Variants in ITM2B observed in about 807,000 individuals in gnomAD.
ITM2B encodes the protein integral membrane protein 2B.
ITM2B carries 11 observed loss-of-function variants against 27.8 expected under a neutral mutation model. The observed-to-expected ratio is 0.40, with a 90% confidence interval of 0.25 to 0.66. ITM2B has a LOEUF of 0.66. ITM2B is among the 30% of genes least tolerant of loss of function. The pLI is 0.43. For missense variants in ITM2B, 296 were observed against 328.9 expected, an observed-to-expected ratio of 0.90 and a Z score of 0.77; for synonymous variants, 114 against 114.3, an observed-to-expected ratio of 1.00 and a Z score of 0.02.
chr13:48,267,322 T>C lies in ITM2B; in HGVS notation c.*6098T>C, dbSNP rs1046360956. On this transcript the variant is annotated 3_prime_UTR_variant, in exon 6 of 6. Transcript: ENST00000647800. ...ATACTAGTGTAACAGCTACAACTTA[T>C]CTAGTTTTAATCAACTCCAGGGAAC... The C allele has an allele frequency of 5.9e-5, 9 of 152,336 alleles. No individual in the cohort carries two copies. The highest frequency in any genetic ancestry group is 2.1e-4 in the South Asian group (1 of 4,826). The allele number at this position is 152,336 out of a possible 1,614,324, so 9.4% of individuals were successfully genotyped here. A position where few individuals can be genotyped will look rare whatever the true frequency, so the allele number is the denominator to read the frequency against.
In ITM2B at chr13:48,262,532, G is replaced by A. The variant is rs1299808843; in HGVS notation, c.*1308G>A. 1 of 152,118 alleles carries A rather than the reference G, an allele frequency of 6.6e-6. No homozygotes were observed. Among genetic ancestry groups the A allele is most frequent in the Non-Finnish European group, 1.5e-5 (1 of 68,006 alleles). 9.4% of individuals were successfully genotyped at this position (152,118 alleles called of 1,614,324 possible). A position where few individuals can be genotyped will look rare whatever the true frequency, so the allele number is the denominator to read the frequency against. ...AATTAACAATTTTAGAAGACAATAT[G>A]TTTCAATAAAATGAGAATTGGTTTT... On this transcript the variant is annotated 3_prime_UTR_variant, in exon 6 of 6. Coordinates refer to ENST00000647800, the MANE Select transcript of ITM2B (RefSeq NM_021999.5).
At chr13:48,257,022 C>G (rs1205352619) in intron 3 of ITM2B, among the ~76,000 whole-genome samples, 1 of 152,162 alleles carries the variant, frequency 6.6e-6, no homozygotes, top group Non-Finnish European at 1.5e-5. Context: ...ATGTCTGAAA[C>G]TGCATATAGT....
At chr13:48,247,349 T>TA in intron 1 of ITM2B, among the ~76,000 whole-genome samples, 1 of 152,320 alleles carries the variant, frequency 6.6e-6, no homozygotes, top group East Asian at 1.9e-4. Context: ...GTTCTTTTTT[T>TA]ATGTATATTT....
Position 48,267,662 on chromosome 13 carries a change from A to G in ITM2B, c.*6438A>G, listed in dbSNP as rs934787330. 1 of 152,240 alleles carries G rather than the reference A, an allele frequency of 6.6e-6. No individual in the cohort carries two copies. The highest frequency in any genetic ancestry group is 6.5e-5 in the Admixed American group (1 of 15,280). The allele number at this position is 152,240 out of a possible 1,614,324, so 9.4% of individuals were successfully genotyped here. A position where few individuals can be genotyped will look rare whatever the true frequency, so the allele number is the denominator to read the frequency against. On this transcript the variant is annotated 3_prime_UTR_variant, in exon 6 of 6. Coordinates refer to ENST00000647800, the MANE Select transcript of ITM2B (RefSeq NM_021999.5). ...AAAGTGCTGTTAAAAGCATTATGTCATATCTAGTACTTCTTATCTAAGTAT... is the reference window on the plus strand; with the variant it reads ...AAAGTGCTGTTAAAAGCATTATGTCGTATCTAGTACTTCTTATCTAAGTAT...
chr13:48,247,849 G>A (rs2137986199), intron 1 of ITM2B, among the ~76,000 whole-genome samples: 1 of 152,292 alleles, frequency 6.6e-6, no homozygotes, highest in Middle Eastern at 3.4e-3. Flanking sequence ...GGTGGTTATA[G>A]GCCAGCGTGT....
intron 1 of ITM2B, among the ~76,000 whole-genome samples, chr13:48,234,323 G>T (rs1476737859): frequency 6.6e-6 from 1 of 151,966 alleles, no homozygotes; most frequent in East Asian, 1.9e-4. Flanking sequence ...AGTAGGTTAC[G>T]ATCATATTTA....
intron 1 of ITM2B, among the ~76,000 whole-genome samples, chr13:48,251,904 T>G (rs1173055593): frequency 6.6e-6 from 1 of 152,244 alleles, no homozygotes; most frequent in Non-Finnish European, 1.5e-5. Flanking sequence ...ACCTTATGAC[T>G]CCATGGAATT....
chr13:48,258,865 C>T lies in ITM2B; in HGVS notation c.633C>T (p.Asn211=). 3 of 1,613,218 alleles carry T rather than the reference C, an allele frequency of 1.9e-6. No homozygotes were observed. The highest frequency in any genetic ancestry group is 2.5e-6 in the Non-Finnish European group (3 of 1,179,156). ...TGGTTATTACTGATCGCATTGAAAA[C>T]ATTGATCACCTGGGTTTCTTTATTT... ...EHMVITDRIE[N]IDHLGFFIYR... The change falls in exon 5 of 6, where the codon AAC becomes AAT. Residue 211 remains asparagine (N), a synonymous_variant. Transcript: ENST00000647800.
chr13:48,252,161 C>G (rs1951759432), intron 1 of ITM2B, among the ~76,000 whole-genome samples: 1 of 152,196 alleles, frequency 6.6e-6, no homozygotes. Flanking sequence ...TGTATCGTAT[C>G]ACATTGTTCT....
At chr13:48,245,578 A>G (rs1486295432) in intron 1 of ITM2B, among the ~76,000 whole-genome samples, 1 of 151,394 alleles carries the variant, frequency 6.6e-6, no homozygotes, top group Non-Finnish European at 1.5e-5. Flanking sequence ...ATTTTTATTT[A>G]ACCTAAAACT....
Position 48,233,340 on chromosome 13 carries a change from G to T in ITM2B, c.-21G>T. 1 of 1,498,896 alleles carries T rather than the reference G, an allele frequency of 6.7e-7. No homozygotes were observed. Among genetic ancestry groups the T allele is most frequent in the Non-Finnish European group, 9.0e-7 (1 of 1,110,264 alleles). The allele number at this position is 1,498,896 out of a possible 1,614,324, so 92.8% of individuals were successfully genotyped here. A position where few individuals can be genotyped will look rare whatever the true frequency, so the allele number is the denominator to read the frequency against. ...CGCCCCGAGCCCGCCGCCGCCCTTC[G>T]AGGGCGCCCCAGGCCGCGCCATGGT... On this transcript the variant is annotated 5_prime_UTR_variant, in exon 1 of 6. Coordinates refer to ENST00000647800, the MANE Select transcript of ITM2B (RefSeq NM_021999.5).
At chr13:48,250,593 G>C (rs2137988505) in intron 1 of ITM2B, among the ~76,000 whole-genome samples, 1 of 151,746 alleles carries the variant, frequency 6.6e-6, no homozygotes, top group Admixed American at 6.6e-5. Context: ...ACTCCAGCCT[G>C]GGCAACAGAG....
intron 2 of ITM2B, 144 bp from the exon 3 acceptor site, chr13:48,256,033 G>T: frequency 2.9e-6 from 2 of 682,550 alleles, no homozygotes; most frequent in South Asian, 3.2e-5. Flanking sequence ...TGTTAACTCT[G>T]TAATTAAACT....
intron 1 of ITM2B, among the ~76,000 whole-genome samples, chr13:48,248,248 A>G (rs919453401): frequency 6.6e-6 from 1 of 151,956 alleles, no homozygotes; most frequent in Non-Finnish European, 1.5e-5. Context: ...GGGGTCAGCA[A>G]TTATGTTTCT....
rs996247062 is a variant in ITM2B at position 48,265,967 on chromosome 13, C to T, written c.*4743C>T. On this transcript the variant is annotated 3_prime_UTR_variant, in exon 6 of 6. Transcript: ENST00000647800. ...ATTTCCACCACTAGACTGCTCAATA[C>T]GTTAGTAGGGCACCTGACACATAGT... is the stretch of plus-strand genomic sequence containing the variant. 6.6e-6 allele frequency: 1 copy of T among 152,146 alleles called. No individual in the cohort carries two copies. The highest frequency in any genetic ancestry group is 1.5e-5 in the Non-Finnish European group (1 of 68,024). 9.4% of individuals were successfully genotyped at this position (152,146 alleles called of 1,614,324 possible). A position where few individuals can be genotyped will look rare whatever the true frequency, so the allele number is the denominator to read the frequency against.
rs1418749222 is a variant in ITM2B, at chr13:48,261,910, G to C, written c.*686G>C. On this transcript the variant is annotated 3_prime_UTR_variant, in exon 6 of 6. Coordinates refer to ENST00000647800, the MANE Select transcript of ITM2B (RefSeq NM_021999.5). ...GTTTTTCCCGTATAATAAAACCAAA[G>C]AATAGTTTGGTTCTTCAAATCTTAA... 1 of 152,416 alleles carries C rather than the reference G, an allele frequency of 6.6e-6. No homozygotes were observed. The highest frequency in any genetic ancestry group is 1.5e-5 in the Non-Finnish European group (1 of 67,946). The allele number at this position is 152,416 out of a possible 1,614,324, so 9.4% of individuals were successfully genotyped here. A position where few individuals can be genotyped will look rare whatever the true frequency, so the allele number is the denominator to read the frequency against.
chr13:48,249,078 TA>T (rs1259934929), intron 1 of ITM2B, among the ~76,000 whole-genome samples: 3 of 152,210 alleles, frequency 2.0e-5, no homozygotes, highest in Non-Finnish European at 4.4e-5. Flanking sequence ...GGTAATTGTA[TA>T]AAGTCATATA....
chr13:48,233,328 C>A lies in ITM2B; in HGVS notation c.-33C>A. On this transcript the variant is annotated 5_prime_UTR_variant, in exon 1 of 6. Coordinates refer to ENST00000647800, the MANE Select transcript of ITM2B (RefSeq NM_021999.5). ...GCCCGCAGCCCGCGCCCCGAGCCCGCCGCCGCCCTTCGAGGGCGCCCCAGG... is the reference window on the plus strand; with the variant it reads ...GCCCGCAGCCCGCGCCCCGAGCCCGACGCCGCCCTTCGAGGGCGCCCCAGG... 7.0e-7 allele frequency: 1 copy of A among 1,426,902 alleles called. No homozygotes were observed. The highest frequency in any genetic ancestry group is 9.5e-7 in the Non-Finnish European group (1 of 1,050,560). The allele number at this position is 1,426,902 out of a possible 1,614,324, so 88.4% of individuals were successfully genotyped here.
chr13:48,250,792 T>C (rs1951751497), intron 1 of ITM2B, among the ~76,000 whole-genome samples: 1 of 152,150 alleles, frequency 6.6e-6, no homozygotes, highest in Non-Finnish European at 1.5e-5. Context: ...ATTATTCTCA[T>C]GAAAGAAAAG....
Sources: allele counts gnomAD v4.1 joint callset (sites outside exome capture counted in the v4.1 genomes callset), GRCh38; gene constraint gnomAD v4.1.1; transcripts MANE v1.5; gene names NCBI Gene and HGNC (gene_info 2026-07-23, HGNC 2026-07-21).